Variants in PLPPR1 observed in about 807,000 individuals in gnomAD.
PLPPR1 encodes the protein phospholipid phosphatase-related protein type 1.
A neutral mutation model predicts 33.1 loss-of-function variants in PLPPR1; 10 were observed. The observed-to-expected ratio is 0.30, with a 90% CI of 0.19 to 0.51. The LOEUF is 0.51. PLPPR1 is among the 20% of genes least tolerant of loss of function. The probability of loss-of-function intolerance (pLI) is 0.97; values close to 1 mark genes in which losing one functional copy is unlikely to be tolerated. For synonymous variants in PLPPR1, 151 were observed against 151.0 expected (o/e 1.00, Z 0.00); for missense variants, 304 against 408.1 (o/e 0.74, Z 2.20).
chr9:101,258,275 A>G (rs1251795280), intron 2 of PLPPR1, among the ~76,000 whole-genome samples: 1 of 152,166 alleles, frequency 6.6e-6, no homozygotes, highest in East Asian at 1.9e-4. Flanking sequence ...GTGTCTGTCC[A>G]TCCTTCCTTC....
chr9:101,268,876 T>C (rs1828045585), intron 2 of PLPPR1, among the ~76,000 whole-genome samples: 1 of 152,228 alleles, frequency 6.6e-6, no homozygotes, highest in African/African-American at 2.4e-5. Context: ...ATGCTCAATC[T>C]AAGCACATGT....
intron 2 of PLPPR1, among the ~76,000 whole-genome samples, chr9:101,238,163 A>G (rs1827358972): frequency 7.2e-6 from 1 of 138,212 alleles, no homozygotes; most frequent in Non-Finnish European, 1.6e-5. Flanking sequence ...ATATACACAC[A>G]TATATATACC....
intron 1 of PLPPR1, among the ~76,000 whole-genome samples, chr9:101,084,379 A>G (rs1830653326): frequency 6.6e-6 from 1 of 152,206 alleles, no homozygotes; most frequent in Non-Finnish European, 1.5e-5. Context: ...CAGTGTGGCA[A>G]TGATGATGCT....
Position 101,260,058 on chromosome 9 carries a change from A to G in PLPPR1, c.64-9822A>G, listed in dbSNP as rs144210022. Reference sequence around the variant, plus strand: ...TTGGCTTAGTGATTTTGGGGTCCCAAGATTCATTTTAGTTTCATACTGCCT... The same window carrying G: ...TTGGCTTAGTGATTTTGGGGTCCCAGGATTCATTTTAGTTTCATACTGCCT... On this transcript the variant is annotated intron_variant, in intron 2 of 7. Coordinates refer to ENST00000374874, the MANE Select transcript of PLPPR1 (RefSeq NM_207299.2). Among the ~76,000 whole-genome samples, 248 of 152,166 alleles carry G rather than the reference A, an allele frequency of 1.6e-3. 1 individual carries two copies. The highest frequency in any genetic ancestry group is 5.3e-3 in the African/African-American group (222 of 41,534).
intron 1 of PLPPR1, among the ~76,000 whole-genome samples, chr9:101,134,466 TCTGC>T (rs1294610390): frequency 1.3e-5 from 2 of 151,734 alleles, no homozygotes; most frequent in East Asian, 3.9e-4. Flanking sequence ...CACTGCAACC[TCTGC>T]CTCCTGGGCT....
At chr9:101,255,028 A>G (rs890569168) in intron 2 of PLPPR1, among the ~76,000 whole-genome samples, 1 of 152,186 alleles carries the variant, frequency 6.6e-6, no homozygotes, top group Non-Finnish European at 1.5e-5. Flanking sequence ...TATTCTCATC[A>G]ACACTTATTA....
At chr9:101,149,575 G>T (rs1187777862) in intron 1 of PLPPR1, among the ~76,000 whole-genome samples, 1 of 152,026 alleles carries the variant, frequency 6.6e-6, no homozygotes, top group South Asian at 2.1e-4. Flanking sequence ...AAATTCTCAG[G>T]TCATGTTTTC....
chr9:101,098,674 A>G (rs1830853723), intron 1 of PLPPR1, among the ~76,000 whole-genome samples: 1 of 152,138 alleles, frequency 6.6e-6, no homozygotes, highest in Non-Finnish European at 1.5e-5. Context: ...CTCTCAAAAC[A>G]GTGCATCCCT....
intron 1 of PLPPR1, among the ~76,000 whole-genome samples, chr9:101,175,331 A>G (rs1826002478): frequency 6.6e-6 from 1 of 152,160 alleles, no homozygotes; most frequent in Non-Finnish European, 1.5e-5. Context: ...TTGAATTGGC[A>G]TAAAACTGAA....
chr9:101,137,852 C>T (rs563132854), intron 1 of PLPPR1, among the ~76,000 whole-genome samples: 84 of 152,218 alleles, frequency 5.5e-4, no homozygotes, highest in Non-Finnish European at 9.7e-4. Flanking sequence ...ACAGCCCTGA[C>T]TGTACTGTCA....
chr9:101,232,328 G>A (rs1359139697), intron 2 of PLPPR1, among the ~76,000 whole-genome samples: 1 of 152,024 alleles, frequency 6.6e-6, no homozygotes, highest in East Asian at 1.9e-4. Context: ...TGGCCTTGGA[G>A]TGTCTGTTCT....
intron 1 of PLPPR1, among the ~76,000 whole-genome samples, chr9:101,157,744 G>A (rs1831715134): frequency 6.6e-6 from 1 of 152,140 alleles, no homozygotes. Flanking sequence ...ACTCATGCCT[G>A]TAATCTCTGC....
At chr9:101,311,991 C>T (rs532900550) in intron 5 of PLPPR1, among the ~76,000 whole-genome samples, 25 of 152,320 alleles carry the variant, frequency 1.6e-4, no homozygotes, top group African/African-American at 5.8e-4. Flanking sequence ...ACCTGTAAAA[C>T]GTCAGAGTCT....
intron 4 of PLPPR1, among the ~76,000 whole-genome samples, chr9:101,304,706 A>G (rs17764774): frequency 0.06 from 9,152 of 152,314 alleles, 358 homozygotes; most frequent in South Asian, 0.13. Flanking sequence ...CCAACTTTTC[A>G]GAGCTACAGC....
At chr9:101,116,575 G>A (rs553563596) in intron 1 of PLPPR1, among the ~76,000 whole-genome samples, 71 of 152,234 alleles carry the variant, frequency 4.7e-4, no homozygotes, top group Non-Finnish European at 8.1e-4. Context: ...AGGACTTTGG[G>A]AGGCCAAGGC....
intron 1 of PLPPR1, among the ~76,000 whole-genome samples, chr9:101,139,930 T>C (rs1402202490): frequency 6.6e-6 from 1 of 152,198 alleles, no homozygotes; most frequent in East Asian, 1.9e-4. Flanking sequence ...TGGAATCAGC[T>C]AGAGTCTATG....
At chr9:101,296,493 T>C (rs999236104) in intron 4 of PLPPR1, among the ~76,000 whole-genome samples, 3 of 151,914 alleles carry the variant, frequency 2.0e-5, no homozygotes, top group African/African-American at 7.3e-5. Context: ...TAAAGACACA[T>C]GCACATGTAT....
intron 1 of PLPPR1, among the ~76,000 whole-genome samples, chr9:101,083,043 C>A (rs753316203): frequency 1.3e-5 from 2 of 152,072 alleles, no homozygotes; most frequent in Non-Finnish European, 2.9e-5. Flanking sequence ...TAAGCTGAGG[C>A]CCGGCCTTTT....
At chr9:101,146,959 A>T (rs1157405029) in intron 1 of PLPPR1, among the ~76,000 whole-genome samples, 1 of 152,210 alleles carries the variant, frequency 6.6e-6, no homozygotes, top group Non-Finnish European at 1.5e-5. Context: ...AAGAACTAGG[A>T]TGTTGTTAAG....
Sources: gnomAD v4.1 joint callset for allele counts (sites outside exome capture counted in the v4.1 genomes callset) on GRCh38, gnomAD v4.1.1 for gene constraint, MANE v1.5 for transcripts, NCBI Gene and HGNC (gene_info 2026-07-23, HGNC 2026-07-21) for gene names.